CYP2J2: variants seen among roughly 807,000 people sequenced by gnomAD.
CYP2J2 encodes cytochrome P450 family 2 subfamily J member 2.
Under a neutral mutation model 48.8 loss-of-function variants are expected in CYP2J2, and 41 were observed. The observed-to-expected ratio is 0.84, with a 90% confidence interval of 0.66 to 1.09. CYP2J2 has a LOEUF of 1.09. Among genes scored for constraint, CYP2J2 ranks in the 50% least tolerant of loss-of-function variants. The pLI is 0.00. For synonymous variants in CYP2J2, 221 were observed against 227.1 expected, an observed-to-expected ratio of 0.97 and a Z score of 0.24; for missense variants, 644 against 617.3, an observed-to-expected ratio of 1.04 and a Z score of -0.46.
chr1:59,930,309 T>C (rs1425692942), upstream of CYP2J2, among the ~76,000 whole-genome samples: 1 of 152,178 alleles, frequency 6.6e-6, no homozygotes, highest in Non-Finnish European at 1.5e-5. Flanking sequence ...TATTTCTTAA[T>C]ATTTGTAGGA....
At chr1:59,916,133 T>A (rs1399956060) in intron 1 of CYP2J2, 33 bp from the exon 2 acceptor site, 2 of 1,577,908 alleles carry the variant, frequency 1.3e-6, no homozygotes, top group Non-Finnish European at 1.7e-6. Context: ...CAGTTGAATA[T>A]GCACATGTCC....
At chr1:59,922,713 T>C (rs1409062797) in intron 1 of CYP2J2, among the ~76,000 whole-genome samples, 1 of 152,204 alleles carries the variant, frequency 6.6e-6, no homozygotes, top group Non-Finnish European at 1.5e-5. Context: ...CTATTAATCA[T>C]GACACCAATT....
At chr1:59,945,276 C>T in the CYP2J2 span, among the ~76,000 whole-genome samples, 5 of 151,918 alleles carry the variant, frequency 3.3e-5, no homozygotes, top group Non-Finnish European at 5.9e-5. Flanking sequence ...TGTTATGAGA[C>T]GAAGAGAGAG....
the CYP2J2 span, among the ~76,000 whole-genome samples, chr1:59,965,637 T>C: frequency 6.6e-6 from 1 of 152,280 alleles, no homozygotes; most frequent in South Asian, 2.1e-4. Context: ...GTGGCATTAC[T>C]AGGGTGTACC....
chr1:59,906,811 C>T (rs930374017), intron 6 of CYP2J2, among the ~76,000 whole-genome samples: 2 of 152,130 alleles, frequency 1.3e-5, no homozygotes, highest in African/African-American at 2.4e-5. Context: ...ACATATAAAG[C>T]ATACATTATG....
chr1:59,954,780 A>G, the CYP2J2 span, among the ~76,000 whole-genome samples: 1 of 152,168 alleles, frequency 6.6e-6, no homozygotes, highest in Non-Finnish European at 1.5e-5. Context: ...GCAGGAAGGC[A>G]TGAAGAAATC....
the CYP2J2 span, among the ~76,000 whole-genome samples, chr1:59,957,851 C>T: frequency 1.3e-5 from 2 of 152,052 alleles, no homozygotes; most frequent in African/African-American, 4.8e-5. Flanking sequence ...ACAGATTACT[C>T]TAAGAGACAC....
the CYP2J2 span, among the ~76,000 whole-genome samples, chr1:59,963,578 A>C: frequency 1.3e-5 from 2 of 152,182 alleles, no homozygotes; most frequent in African/African-American, 4.8e-5. Context: ...GTGTTGGTCC[A>C]TTTATCTATT....
At chr1:59,959,956 C>T in the CYP2J2 span, among the ~76,000 whole-genome samples, 6 of 152,172 alleles carry the variant, frequency 3.9e-5, no homozygotes, top group South Asian at 2.1e-4. Context: ...GTACACTGCT[C>T]GGGTGATGGG....
At chr1:59,927,360 T>C (rs1345114364), upstream of CYP2J2, among the ~76,000 whole-genome samples, 3 of 152,166 alleles carry the variant, frequency 2.0e-5, no homozygotes, top group African/African-American at 7.2e-5. Flanking sequence ...TTAACATTTG[T>C]TGAAGGAATG....
rs1156827733 is a variant in CYP2J2, at chr1:59,925,565, TATTA to T, written c.210+968_210+971del. On this transcript the variant is annotated intron_variant, in intron 1 of 8. Coordinates refer to ENST00000371204, the MANE Select transcript of CYP2J2 (RefSeq NM_000775.4). Reference sequence around the variant, plus strand: ...CCACATACTTGGAAATTAAACAACATATTAATTAAATAAGGACACAGGTTTGGGG... The same window carrying T: ...CCACATACTTGGAAATTAAACAACATATTAAATAAGGACACAGGTTTGGGG... Among the ~76,000 whole-genome samples the T allele has an allele frequency of 2.0e-5, 3 of 152,252 alleles. No homozygotes were observed. In the East Asian group the frequency reaches 5.8e-4, roughly 29 times the overall value.
upstream of CYP2J2, among the ~76,000 whole-genome samples, chr1:59,930,203 G>A (rs901140952): frequency 6.6e-6 from 1 of 152,172 alleles, no homozygotes; most frequent in Non-Finnish European, 1.5e-5. Context: ...GAATACTGCT[G>A]CTACAAATGA....
the CYP2J2 span, among the ~76,000 whole-genome samples, chr1:59,968,687 T>A: frequency 6.6e-6 from 1 of 152,124 alleles, no homozygotes; most frequent in Non-Finnish European, 1.5e-5. Context: ...GGTGGACATG[T>A]GTAAAAGGCC....
intron 5 of CYP2J2, 108 bp from the exon 6 acceptor site, chr1:59,908,035 C>A: frequency 9.2e-7 from 1 of 1,081,566 alleles, no homozygotes; most frequent in Non-Finnish European, 1.4e-6. Flanking sequence ...GAAAAGGTCC[C>A]CAAAAGAAAC....
At chr1:59,965,535 C>T in the CYP2J2 span, among the ~76,000 whole-genome samples, 1 of 152,202 alleles carries the variant, frequency 6.6e-6, no homozygotes, top group Admixed American at 6.5e-5. Flanking sequence ...CATGGACTTT[C>T]CTAAGTACCC....
chr1:59,942,637 T>C, the CYP2J2 span, among the ~76,000 whole-genome samples: 1 of 151,948 alleles, frequency 6.6e-6, no homozygotes, highest in African/African-American at 2.4e-5. Context: ...TTGTGGACTG[T>C]AGGTGTGAGA....
At chr1:59,956,690 C>T in the CYP2J2 span, among the ~76,000 whole-genome samples, 1 of 152,086 alleles carries the variant, frequency 6.6e-6, no homozygotes, top group Non-Finnish European at 1.5e-5. Flanking sequence ...CTGTTTCTAA[C>T]CTCATATTCT....
intron 1 of CYP2J2, among the ~76,000 whole-genome samples, chr1:59,924,020 CA>C (rs1338213429): frequency 1.3e-5 from 2 of 151,962 alleles, no homozygotes; most frequent in African/African-American, 4.8e-5. Context: ...GAAAATTAAA[CA>C]AAAACAAAAA....
intron 1 of CYP2J2, among the ~76,000 whole-genome samples, chr1:59,922,293 A>T (rs144453133): frequency 6.6e-6 from 1 of 152,320 alleles, no homozygotes; most frequent in Non-Finnish European, 1.5e-5. Context: ...GCTCCATGGT[A>T]AAATGGAAGC....
Sources: allele counts gnomAD v4.1 joint callset (sites outside exome capture counted in the v4.1 genomes callset), GRCh38; gene constraint gnomAD v4.1.1; transcripts MANE v1.5; gene names NCBI Gene and HGNC (gene_info 2026-07-23, HGNC 2026-07-21).